ANKS1B: variants seen among roughly 807,000 people sequenced by gnomAD.
ANKS1B encodes ankyrin repeat and sterile alpha motif domain-containing protein 1B.
Under a neutral mutation model 148.3 loss-of-function variants are expected in ANKS1B, and 36 were observed. The observed-to-expected ratio is 0.24, with a 90% confidence interval of 0.19 to 0.32. The LOEUF is 0.32. ANKS1B is among the 10% of genes least tolerant of loss of function. The probability of loss-of-function intolerance (pLI) is 1.00; values close to 1 mark genes in which losing one functional copy is unlikely to be tolerated. For missense variants in ANKS1B, 1,157 were observed against 1,542.6 expected (o/e 0.75, Z 4.19); for synonymous variants, 542 against 560.8 (o/e 0.97, Z 0.47).
intron 8 of ANKS1B, among the ~76,000 whole-genome samples, chr12:99,743,532 G>C (rs1405850450): frequency 6.6e-6 from 1 of 152,178 alleles, no homozygotes; most frequent in Non-Finnish European, 1.5e-5. Flanking sequence ...GAGAGGAAGA[G>C]AGGATTAATA....
intron 14 of ANKS1B, among the ~76,000 whole-genome samples, chr12:99,162,798 A>T (rs1164216182): frequency 6.6e-6 from 1 of 152,192 alleles, no homozygotes; most frequent in African/African-American, 2.4e-5. Context: ...GTGGTGGCTC[A>T]CGCCTAATCT....
At chr12:99,167,777 C>T (rs2077331594) in intron 14 of ANKS1B, among the ~76,000 whole-genome samples, 4 of 152,046 alleles carry the variant, frequency 2.6e-5, no homozygotes, top group Admixed American at 6.5e-5. Context: ...TTTGTAATAG[C>T]CAACAACTAG....
chr12:99,513,164 A>G lies in ANKS1B; in HGVS notation c.1273-8523T>C, dbSNP rs182378367. 6.6e-5 allele frequency among the ~76,000 whole-genome samples: 10 copies of G among 151,982 alleles called. No individual in the cohort carries two copies. The East Asian group carries it at 1.7e-3, about 27-fold the overall frequency. ...GACCCTCCACCAGCAAAAAATTATG[A>G]CTCACTGAAGGCTCATATGATCGTT... On this transcript the variant is annotated intron_variant, in intron 9 of 26. Transcript: ENST00000683438.
chr12:99,164,288 T>TTTTAA (rs2076986548), intron 14 of ANKS1B, among the ~76,000 whole-genome samples: 1 of 152,150 alleles, frequency 6.6e-6, no homozygotes, highest in Non-Finnish European at 1.5e-5. Flanking sequence ...AGCTGTAATA[T>TTTTAA]TTTAATCTGA....
intron 1 of ANKS1B, among the ~76,000 whole-genome samples, chr12:99,936,756 C>T (rs1184235733): frequency 6.6e-6 from 1 of 152,086 alleles, no homozygotes; most frequent in African/African-American, 2.4e-5. Flanking sequence ...ACTTTTTTCC[C>T]GCTATTTTCA....
At chr12:99,061,544 C>T (rs1052977072) in intron 16 of ANKS1B, among the ~76,000 whole-genome samples, 52 of 152,206 alleles carry the variant, frequency 3.4e-4, no homozygotes, top group African/African-American at 1.3e-3. Flanking sequence ...GATGACAGAA[C>T]AACAAATAGA....
intron 10 of ANKS1B, among the ~76,000 whole-genome samples, chr12:99,446,589 T>G (rs1019368936): frequency 6.6e-6 from 1 of 152,084 alleles, no homozygotes; most frequent in Non-Finnish European, 1.5e-5. Flanking sequence ...TGATGCCATG[T>G]TACCCTTCTG....
chr12:99,886,038 T>C (rs1301798727), intron 1 of ANKS1B, among the ~76,000 whole-genome samples: 1 of 152,230 alleles, frequency 6.6e-6, no homozygotes, highest in Non-Finnish European at 1.5e-5. Context: ...CCTTATCTTT[T>C]CAATTATGAA....
intron 8 of ANKS1B, among the ~76,000 whole-genome samples, chr12:99,706,941 G>A (rs538423145): frequency 6.6e-6 from 1 of 152,170 alleles, no homozygotes; most frequent in Admixed American, 6.5e-5. Flanking sequence ...AGCCACAGAC[G>A]AGGTCCCATT....
chr12:99,651,174 C>T (rs1056851696), intron 9 of ANKS1B, among the ~76,000 whole-genome samples: 71 of 152,090 alleles, frequency 4.7e-4, no homozygotes, highest in African/African-American at 1.5e-3. Flanking sequence ...ACCCTCACAG[C>T]GCTTACGACT....
chr12:99,973,856 C>T (rs917327405), intron 1 of ANKS1B, among the ~76,000 whole-genome samples: 2 of 152,116 alleles, frequency 1.3e-5, no homozygotes, highest in Non-Finnish European at 2.9e-5. Context: ...GAATCGACTC[C>T]TGGTGAAGAC....
chr12:99,885,731 T>G (rs2092792748), intron 1 of ANKS1B, among the ~76,000 whole-genome samples: 1 of 151,760 alleles, frequency 6.6e-6, no homozygotes, highest in Middle Eastern at 3.4e-3. Flanking sequence ...CAGTATGTAG[T>G]TTTTTTATCC....
rs1434427605 is a variant in ANKS1B, at chr12:99,103,607, A to G, written c.2527-18584T>C. Reference sequence around the variant, plus strand: ...TTAAAACAAGGAAGGGATTCAATCAACCTATCAATCGTCATGATACCCTTT... The same window carrying G: ...TTAAAACAAGGAAGGGATTCAATCAGCCTATCAATCGTCATGATACCCTTT... On this transcript the variant is annotated intron_variant, in intron 15 of 26. Transcript: ENST00000683438. Among the ~76,000 whole-genome samples, 4 of 152,208 alleles carry G rather than the reference A, an allele frequency of 2.6e-5. 1 individual carries two copies. The highest frequency in any genetic ancestry group is 9.6e-5 in the African/African-American group (4 of 41,458).
At chr12:98,969,548 A>C (rs1017161687) in intron 17 of ANKS1B, among the ~76,000 whole-genome samples, 3 of 151,822 alleles carry the variant, frequency 2.0e-5, no homozygotes, top group Non-Finnish European at 4.4e-5. Flanking sequence ...CCCCAACCAA[A>C]TCTCAACTGA....
At chr12:98,839,405 T>A (rs61933600) in intron 17 of ANKS1B, among the ~76,000 whole-genome samples, 5,270 of 131,006 alleles carry the variant, frequency 0.04, 280 homozygotes, top group African/African-American at 0.13. Context: ...GTATCTATCT[T>A]TCTATCATCC....
intron 11 of ANKS1B, among the ~76,000 whole-genome samples, chr12:99,439,391 T>G (rs2095512551): frequency 6.6e-6 from 1 of 151,396 alleles, no homozygotes; most frequent in Non-Finnish European, 1.5e-5. Context: ...ATATTTAGAG[T>G]GCATACACCT....
chr12:99,199,808 A>G (rs1359999630), intron 14 of ANKS1B, among the ~76,000 whole-genome samples: 3 of 152,210 alleles, frequency 2.0e-5, no homozygotes. Flanking sequence ...TTCTTATTTT[A>G]GAGAGTCTGT....
chr12:99,541,782 G>A (rs536869138), intron 9 of ANKS1B, among the ~76,000 whole-genome samples: 22 of 152,050 alleles, frequency 1.4e-4, no homozygotes, highest in Admixed American at 2.6e-4. Flanking sequence ...TTGAACCTGC[G>A]GAGCGGAGGT....
intron 16 of ANKS1B, among the ~76,000 whole-genome samples, chr12:99,059,008 ATTACAGGCGTG>A (rs2041401940): frequency 5.5e-5 from 1 of 18,294 alleles, no homozygotes; most frequent in Non-Finnish European, 1.1e-4. Context: ...AAGTGCTGGG[ATTACAGGCGTG>A]AGCCACCGCG....
Sources: allele counts gnomAD v4.1 joint callset (sites outside exome capture counted in the v4.1 genomes callset), GRCh38; gene constraint gnomAD v4.1.1; transcripts MANE v1.5; gene names NCBI Gene and HGNC (gene_info 2026-07-23, HGNC 2026-07-21).